WARS2: variants seen among roughly 807,000 people sequenced by gnomAD.
WARS2 encodes the protein tryptophan--tRNA ligase, mitochondrial.
WARS2 carries 28 observed loss-of-function variants against 36.5 expected under a neutral mutation model. That is an observed-to-expected ratio of 0.77 (90% CI 0.57 to 1.05). The LOEUF (loss-of-function observed/expected upper bound fraction) is 1.05. Among genes scored for constraint, WARS2 ranks in the 50% least tolerant of loss-of-function variants. WARS2 has a pLI of 0.00. For synonymous variants in WARS2, 174 were observed against 178.4 expected, an observed-to-expected ratio of 0.98 and a Z score of 0.20; for missense variants, 435 against 456.8, an observed-to-expected ratio of 0.95 and a Z score of 0.44.
chr1:119,136,299 C>T (rs1344680388), intron 1 of WARS2, among the ~76,000 whole-genome samples: 1 of 152,198 alleles, frequency 6.6e-6, no homozygotes, highest in Non-Finnish European at 1.5e-5. Context: ...AAATCCTCAG[C>T]ATTCAGCTAC....
chr1:119,134,038 GTTATT>G (rs1366382774), intron 1 of WARS2, among the ~76,000 whole-genome samples: 1 of 151,882 alleles, frequency 6.6e-6, no homozygotes, highest in African/African-American at 2.4e-5. Context: ...CAAGGTAAAT[GTTATT>G]TTATTTTATA....
At chr1:119,093,894 C>A in intron 1 of WARS2, among the ~76,000 whole-genome samples, 1 of 152,198 alleles carries the variant, frequency 6.6e-6, no homozygotes, top group South Asian at 2.1e-4. Context: ...AGGACACTGG[C>A]CTTCTCTTCC....
chr1:119,126,736 C>A, intron 1 of WARS2: 3 of 734,380 alleles, frequency 4.1e-6, no homozygotes, highest in South Asian at 1.3e-5. Context: ...GATTGGCAAG[C>A]CTTTTCTATG....
At chr1:119,100,046 C>T (rs1214236093) in intron 1 of WARS2, among the ~76,000 whole-genome samples, 3 of 152,172 alleles carry the variant, frequency 2.0e-5, no homozygotes, top group Non-Finnish European at 1.5e-5. Context: ...TTGCAAACTA[C>T]TCATCTGACA....
intron 2 of WARS2, among the ~76,000 whole-genome samples, chr1:119,068,943 C>T (rs1215034797): frequency 6.6e-6 from 1 of 151,880 alleles, no homozygotes; most frequent in Non-Finnish European, 1.5e-5. Flanking sequence ...AAGCACATGA[C>T]TAGAGGCCAG....
At chr1:119,073,607 G>A (rs776256893) in intron 2 of WARS2, among the ~76,000 whole-genome samples, 5 of 152,258 alleles carry the variant, frequency 3.3e-5, no homozygotes, top group African/African-American at 7.2e-5. Context: ...GGAGAAGACG[G>A]GCACATACCA....
intron 2 of WARS2, among the ~76,000 whole-genome samples, chr1:119,059,178 T>C (rs1311391183): frequency 6.6e-6 from 1 of 152,100 alleles, no homozygotes; most frequent in African/African-American, 2.4e-5. Context: ...TAAATTTGTT[T>C]GAGTTCATTG....
rs587669473 is a variant in WARS2 at position 119,096,058 on chromosome 1, T to A, written c.91-19451A>T. Among the ~76,000 whole-genome samples, 3 of 152,338 alleles carry A rather than the reference T, an allele frequency of 2.0e-5. No homozygotes were observed. In the South Asian group the frequency reaches 6.2e-4, roughly 32 times the overall value. On this transcript the variant is annotated intron_variant, in intron 1 of 5. Coordinates refer to ENST00000235521, the MANE Select transcript of WARS2 (RefSeq NM_015836.4). The stretch of plus-strand genomic sequence containing the variant: ...TATGTGTCTGTGTATGTTTATAAAA[T>A]AACTACACTCCTAGTCAGTTGTCTT...
chr1:119,052,489 C>G (rs1368268737), intron 2 of WARS2, among the ~76,000 whole-genome samples: 2 of 152,194 alleles, frequency 1.3e-5, no homozygotes, highest in Non-Finnish European at 2.9e-5. Context: ...AATATAAGCT[C>G]ACTCTCTTCA....
At chr1:119,047,566 C>T (rs892965783) in intron 2 of WARS2, 2 of 152,030 alleles carry the variant, frequency 1.3e-5, no homozygotes, top group East Asian at 3.9e-4. Flanking sequence ...TATCTTCATA[C>T]AGAAAAAGTA....
Position 119,136,126 on chromosome 1 carries a change from CTG to C in WARS2, c.90+4427_90+4428del, listed in dbSNP as rs144134831. Among the ~76,000 whole-genome samples the C allele has an allele frequency of 1.2e-3, 185 of 148,614 alleles. 2 individuals carry two copies. In the East Asian group the frequency reaches 0.022, roughly 18 times the overall value. On this transcript the variant is annotated intron_variant, in intron 1 of 5. Transcript: ENST00000235521. ...ATTTGTATAAAAAATATATATTTGT[CTG>C]TGTGTGTGTGTGTGTGTACATATAG...
intron 2 of WARS2, among the ~76,000 whole-genome samples, chr1:119,066,795 A>C (rs1650918514): frequency 6.6e-6 from 1 of 152,190 alleles, no homozygotes; most frequent in Non-Finnish European, 1.5e-5. Context: ...TGGTAATGTA[A>C]GTTAGAATAC....
chr1:119,046,285 G>GTTT (rs71070781), intron 2 of WARS2, among the ~76,000 whole-genome samples: 5 of 101,494 alleles, frequency 4.9e-5, no homozygotes, highest in Admixed American at 1.2e-4. Context: ...CTCCTTTTCT[G>GTTT]TTTTTTTTTT....
At chr1:119,061,696 G>A (rs537742410) in intron 2 of WARS2, among the ~76,000 whole-genome samples, 5 of 152,026 alleles carry the variant, frequency 3.3e-5, no homozygotes, top group African/African-American at 1.2e-4. Flanking sequence ...TGGTAGTAGA[G>A]AATCAAAAGA....
intron 1 of WARS2, chr1:119,082,333 T>C (rs1006371325): frequency 1.0e-6 from 1 of 985,430 alleles, no homozygotes; most frequent in African/African-American, 1.7e-5. Context: ...ACACGTGCTG[T>C]ACCTACCATC....
In WARS2 at chr1:119,082,235, A is replaced by G. The variant is rs587705351; in HGVS notation, c.91-5628T>C. On this transcript the variant is annotated intron_variant, in intron 1 of 5. Coordinates refer to ENST00000235521, the MANE Select transcript of WARS2 (RefSeq NM_015836.4). ...TTGTTAGTTCAGTAAAAGAGTTTAA[A>G]AGGAATCAACTTAATTCTTAAAAAT... 4.1e-6 allele frequency: 4 copies of G among 982,058 alleles called. No individual in the cohort carries two copies. In the African/African-American group the frequency reaches 5.2e-5, roughly 13 times the overall value. 60.8% of individuals were successfully genotyped at this position (982,058 alleles called of 1,614,324 possible).
Position 119,135,761 on chromosome 1 carries a change from G to GAGAGAGAGAT in WARS2, c.90+4793_90+4794insATCTCTCTCT, listed in dbSNP as rs1553183314. Among the ~76,000 whole-genome samples, 7 of 87,166 alleles carry GAGAGAGAGAT rather than the reference G, an allele frequency of 8.0e-5. No individual in the cohort carries two copies. In the East Asian group the frequency reaches 1.5e-3, roughly 19 times the overall value. 57.2% of individuals were successfully genotyped at this position (87,166 alleles called of 152,430 possible). On this transcript the variant is annotated intron_variant, in intron 1 of 5. Coordinates refer to ENST00000235521, the MANE Select transcript of WARS2 (RefSeq NM_015836.4). ...AGATAGATAGATAGATAGAGAGATA[G>GAGAGAGAGAT]AGAGAGAGAGAGAGATGGGTTTTGG...
chr1:119,103,560 T>A (rs1654024035), intron 1 of WARS2, among the ~76,000 whole-genome samples: 2 of 152,030 alleles, frequency 1.3e-5, no homozygotes, highest in Admixed American at 1.3e-4. Flanking sequence ...GGAGAATTTG[T>A]ACTTTAACTT....
chr1:119,131,780 A>T (rs1481752899), intron 1 of WARS2, among the ~76,000 whole-genome samples: 1 of 151,872 alleles, frequency 6.6e-6, no homozygotes, highest in Non-Finnish European at 1.5e-5. Context: ...AAAGTTTTAA[A>T]CGTTCTGTGG....
Sources: allele counts gnomAD v4.1 joint callset (sites outside exome capture counted in the v4.1 genomes callset), GRCh38; gene constraint gnomAD v4.1.1; transcripts MANE v1.5; gene names NCBI Gene and HGNC (gene_info 2026-07-23, HGNC 2026-07-21).